The following OR5A2 variants were observed in gnomAD, a reference collection of about 807,000 sequenced individuals.
The protein encoded by OR5A2 is olfactory receptor 5A2.
For synonymous variants in OR5A2, 155 were observed against 151.1 expected (o/e 1.03, Z -0.19); for missense variants, 406 against 398.9 (o/e 1.02, Z -0.15).
rs1464113484 is a variant in OR5A2 at position 59,422,378 on chromosome 11, A to G, written c.576T>C (p.Asp192=). The G allele has an allele frequency of 6.2e-7, 1 of 1,614,176 alleles. No homozygotes were observed. The highest frequency in any genetic ancestry group is 8.5e-7 in the Non-Finnish European group (1 of 1,180,016). The change falls in exon 2 of 2, where the codon GAT becomes GAC. Residue 192 remains aspartate, a synonymous_variant. Transcript: ENST00000302040. ...AGGTCACCACCTCGCTGGTGAAGGT[A>G]TCAGAGCAGGACAGAGCCAGGACTG... is the stretch of plus-strand genomic sequence containing the variant. ...LPPVLALSCS[D]TFTSEVVTFI... is the part of the protein sequence containing the mutation.
rs1858200603 is a variant in OR5A2, at chr11:59,419,696, A to G, written c.*2283T>C. On this transcript the variant is annotated 3_prime_UTR_variant, in exon 2 of 2. Coordinates refer to ENST00000302040, the MANE Select transcript of OR5A2 (RefSeq NM_001001954.2). ...TGGGTAAATTTAAACATTTTCTGGC[A>G]GACAATTGGTTGAGTTCGTCTGAAG... 6.6e-6 allele frequency: 1 copy of G among 152,192 alleles called. No individual in the cohort carries two copies. The highest frequency in any genetic ancestry group is 1.5e-5 in the Non-Finnish European group (1 of 68,046). The allele number at this position is 152,192 out of a possible 1,614,324, so 9.4% of individuals were successfully genotyped here.
At position 59,420,756 on chromosome 11, in the gene OR5A2, C is replaced by A. The variant is rs1397701585; in HGVS notation, c.*1223G>T. On this transcript the variant is annotated 3_prime_UTR_variant, in exon 2 of 2. Transcript: ENST00000302040. ...AAATGTAGAGGAGAAAAATCATTTT[C>A]TTCAATTCTTTGGCTAAGTTCTCTT... 1 of 152,172 alleles carries A rather than the reference C, an allele frequency of 6.6e-6. No homozygotes were observed. The highest frequency in any genetic ancestry group is 1.5e-5 in the Non-Finnish European group (1 of 68,022). 9.4% of individuals were successfully genotyped at this position (152,172 alleles called of 1,614,324 possible). A position where few individuals can be genotyped will look rare whatever the true frequency, so the allele number is the denominator to read the frequency against.
rs780804649 is a variant in OR5A2, at chr11:59,422,957, C to T, written c.-4G>A. On this transcript the variant is annotated 5_prime_UTR_variant, in exon 2 of 2. Coordinates refer to ENST00000302040, the MANE Select transcript of OR5A2 (RefSeq NM_001001954.2). Reference sequence around the variant, plus strand: ...TGTTGTTCCTTCCTACAGCCATAGGCCTGCTTCCTGCATAAAGTCTTTACT... The same window carrying T: ...TGTTGTTCCTTCCTACAGCCATAGGTCTGCTTCCTGCATAAAGTCTTTACT... 2 of 1,604,098 alleles carry T rather than the reference C, an allele frequency of 1.2e-6. No individual in the cohort carries two copies. Among genetic ancestry groups the T allele is most frequent in the East Asian group, 2.2e-5 (1 of 44,832 alleles).
At position 59,421,790 on chromosome 11, in the gene OR5A2, T is replaced by C; in HGVS notation, c.*189A>G. 3.7e-6 allele frequency: 2 copies of C among 541,606 alleles called. No homozygotes were observed. Among genetic ancestry groups the C allele is most frequent in the Admixed American group, 3.5e-5 (1 of 28,900 alleles). The allele number at this position is 541,606 out of a possible 1,614,324, so 33.6% of individuals were successfully genotyped here. ...GCAGAGCATTTAAAATCTCAAACTA[T>C]ACAATGCTATTCATTTTACAAGCAA... On this transcript the variant is annotated 3_prime_UTR_variant, in exon 2 of 2. Transcript: ENST00000302040.
At chr11:59,423,679 A>G (rs1858260614) in intron 1 of OR5A2, 1 of 152,138 alleles carries the variant, frequency 6.6e-6, no homozygotes, top group Non-Finnish European at 1.5e-5. Context: ...ATAATTGTAT[A>G]TATGTGTATG....
chr11:59,425,901 C>A (rs549512151), intron 1 of OR5A2: 1 of 152,034 alleles, frequency 6.6e-6, no homozygotes, highest in Admixed American at 6.5e-5. Flanking sequence ...ATTATAAGAA[C>A]AAAACACATA....
rs1858173674 is a variant in OR5A2 at position 59,417,800 on chromosome 11, A to T, written c.*4179T>A. On this transcript the variant is annotated 3_prime_UTR_variant, in exon 2 of 2. Coordinates refer to ENST00000302040, the MANE Select transcript of OR5A2 (RefSeq NM_001001954.2). ...ATTCATCTTTAGAAAAATGTTAAGCATCTCATCAGAGCTCCTTTAATGCAT... is the reference window on the plus strand; with the variant it reads ...ATTCATCTTTAGAAAAATGTTAAGCTTCTCATCAGAGCTCCTTTAATGCAT... 6.6e-6 allele frequency: 1 copy of T among 152,038 alleles called. No individual in the cohort carries two copies. The highest frequency in any genetic ancestry group is 1.5e-5 in the Non-Finnish European group (1 of 67,982). 9.4% of individuals were successfully genotyped at this position (152,038 alleles called of 1,614,324 possible). A position where few individuals can be genotyped will look rare whatever the true frequency, so the allele number is the denominator to read the frequency against.
rs1432288563 is a variant in OR5A2, at chr11:59,422,896, C to T, written c.58G>A (p.Asp20Asn). The T allele has an allele frequency of 3.1e-6, 5 of 1,614,130 alleles. No individual in the cohort carries two copies. Among genetic ancestry groups the T allele is most frequent in the Non-Finnish European group, 4.2e-6 (5 of 1,179,976 alleles). ...VTKFILLGLSDHPQMKIFLFM... is the reference protein window; with the variant it reads ...VTKFILLGLSNHPQMKIFLFM... ...AGGAAAATCTTCATTTGAGGATGGTCTGAAAGTCCCAGGAGAATGAATTTT... is the reference window on the plus strand; with the variant it reads ...AGGAAAATCTTCATTTGAGGATGGTTTGAAAGTCCCAGGAGAATGAATTTT... The change falls in exon 2 of 2, where the codon GAC becomes AAC. Residue 20 changes from aspartate (D) to asparagine (N), a missense_variant. Asp to Asn is a conservative substitution (Grantham distance 23, BLOSUM62 1). Transcript: ENST00000302040.
In OR5A2 at chr11:59,422,045, C is replaced by T. The variant is rs1472768928; in HGVS notation, c.909G>A (p.Arg303=). ...FRNKEIKNAM[R]KAMERDPGIS... is the part of the protein sequence containing the mutation. Reference sequence around the variant, plus strand: ...TCCCGGGGTCCCTTTCCATGGCTTTCCTCATGGCATTTTTAATCTCCTTAT... The same window carrying T: ...TCCCGGGGTCCCTTTCCATGGCTTTTCTCATGGCATTTTTAATCTCCTTAT... The change falls in exon 2 of 2, where the codon AGG becomes AGA. Residue 303 remains arginine (R), a synonymous_variant. Coordinates refer to ENST00000302040, the MANE Select transcript of OR5A2 (RefSeq NM_001001954.2). 1.2e-6 allele frequency: 2 copies of T among 1,613,992 alleles called. No homozygotes were observed. Among genetic ancestry groups the T allele is most frequent in the Non-Finnish European group, 1.7e-6 (2 of 1,179,900 alleles).
chr11:59,426,041 C>T (rs7942617), intron 1 of OR5A2, 130 bp downstream of exon 1: 1 of 152,094 alleles, frequency 6.6e-6, no homozygotes, highest in Admixed American at 6.6e-5. Context: ...CCATTTAATT[C>T]TCCTAATAGA....
Position 59,417,006 on chromosome 11 carries a change from A to C in OR5A2, c.*4973T>G, listed in dbSNP as rs766832114. The C allele has an allele frequency of 1.3e-5, 2 of 152,132 alleles. No homozygotes were observed. The highest frequency in any genetic ancestry group is 2.9e-5 in the Non-Finnish European group (2 of 68,002). The allele number at this position is 152,132 out of a possible 1,614,324, so 9.4% of individuals were successfully genotyped here. A position where few individuals can be genotyped will look rare whatever the true frequency, so the allele number is the denominator to read the frequency against. On this transcript the variant is annotated 3_prime_UTR_variant, in exon 2 of 2. Coordinates refer to ENST00000302040, the MANE Select transcript of OR5A2 (RefSeq NM_001001954.2). ...ATAAGAAAGATGTTTTATTAGAACA[A>C]ACAAGAATATACCATACAATATCAA...
rs1238815406 is a variant in OR5A2, at chr11:59,422,456, C to G, written c.498G>C (p.Gln166His). 6.2e-7 allele frequency: 1 copy of G among 1,614,138 alleles called. No homozygotes were observed. Among genetic ancestry groups the G allele is most frequent in the South Asian group, 1.1e-5 (1 of 91,072 alleles). ...SSFIETYSVY[Q>H]HDFCGPYMIN... The stretch of plus-strand genomic sequence containing the variant: ...TCATATAGGGCCCACAGAAATCATG[C>G]TGATAGACAGAGTATGTTTCAATGA... Residue 166 changes from glutamine to histidine, a missense_variant, in exon 2 of 2, where the codon CAG (glutamine) becomes CAC (histidine). Coordinates refer to ENST00000302040, the MANE Select transcript of OR5A2 (RefSeq NM_001001954.2).
At chr11:59,424,515 G>A (rs1282685290) in intron 1 of OR5A2, 1 of 152,208 alleles carries the variant, frequency 6.6e-6, no homozygotes, top group Non-Finnish European at 1.5e-5. Context: ...TTGAGCCCAG[G>A]AGGTCTAGGC....
rs925731305 is a variant in OR5A2, at chr11:59,421,849, C to G, written c.*130G>C. ...AAAATGTTTTCTAATAGCCAACAGG[C>G]AAACTATTAGTGAAATCTTAAGCAG... On this transcript the variant is annotated 3_prime_UTR_variant, in exon 2 of 2. Coordinates refer to ENST00000302040, the MANE Select transcript of OR5A2 (RefSeq NM_001001954.2). 4 of 1,009,652 alleles carry G rather than the reference C, an allele frequency of 4.0e-6. No homozygotes were observed. The highest frequency in any genetic ancestry group is 5.7e-6 in the Non-Finnish European group (4 of 696,404). 62.5% of individuals were successfully genotyped at this position (1,009,652 alleles called of 1,614,324 possible).
At position 59,423,323 on chromosome 11, in the gene OR5A2, A is replaced by G. The variant is rs1253452106; in HGVS notation, c.-91-279T>C. ...CCCAAATGGGAAAGGAGAGGGTTGA[A>G]TCAGATGAGTTTGAAGTGTCCCTTT... On this transcript the variant is annotated intron_variant, in intron 1 of 1. Coordinates refer to ENST00000302040, the MANE Select transcript of OR5A2 (RefSeq NM_001001954.2). 3 of 192,370 alleles carry G rather than the reference A, an allele frequency of 1.6e-5. No homozygotes were observed. The East Asian group carries it at 3.7e-4, about 23-fold the overall frequency. 11.9% of individuals were successfully genotyped at this position (192,370 alleles called of 1,614,324 possible). A position where few individuals can be genotyped will look rare whatever the true frequency, so the allele number is the denominator to read the frequency against.
In OR5A2 at chr11:59,420,430, T is replaced by TATAATA. The variant is rs1009136561; in HGVS notation, c.*1543_*1548dup. 1 of 152,080 alleles carries TATAATA rather than the reference T, an allele frequency of 6.6e-6. No homozygotes were observed. The highest frequency in any genetic ancestry group is 1.5e-5 in the Non-Finnish European group (1 of 67,998). 9.4% of individuals were successfully genotyped at this position (152,080 alleles called of 1,614,324 possible). A position where few individuals can be genotyped will look rare whatever the true frequency, so the allele number is the denominator to read the frequency against. On this transcript the variant is annotated 3_prime_UTR_variant, in exon 2 of 2. Coordinates refer to ENST00000302040, the MANE Select transcript of OR5A2 (RefSeq NM_001001954.2). ...CTATTTGGATAATGATTAAGCATTA[T>TATAATA]ATAATAATAATAATAGTAATAGCAC... is the stretch of plus-strand genomic sequence containing the variant.
chr11:59,420,933 T>G lies in OR5A2; in HGVS notation c.*1046A>C, dbSNP rs539273022. 6.6e-6 allele frequency: 1 copy of G among 152,328 alleles called. No individual in the cohort carries two copies. The highest frequency in any genetic ancestry group is 6.5e-5 in the Admixed American group (1 of 15,300). 9.4% of individuals were successfully genotyped at this position (152,328 alleles called of 1,614,324 possible). A position where few individuals can be genotyped will look rare whatever the true frequency, so the allele number is the denominator to read the frequency against. On this transcript the variant is annotated 3_prime_UTR_variant, in exon 2 of 2. Transcript: ENST00000302040. The stretch of plus-strand genomic sequence containing the variant: ...AATTCCTTGGTTTTATTCAAATTGT[T>G]TTAGTGGCCTCTTTTTGTAGTTGAT...
Position 59,419,307 on chromosome 11 carries a change from A to G in OR5A2, c.*2672T>C, listed in dbSNP as rs1858194563. The G allele has an allele frequency of 6.6e-6, 1 of 152,176 alleles. No homozygotes were observed. The highest frequency in any genetic ancestry group is 1.5e-5 in the Non-Finnish European group (1 of 68,026). 9.4% of individuals were successfully genotyped at this position (152,176 alleles called of 1,614,324 possible). A position where few individuals can be genotyped will look rare whatever the true frequency, so the allele number is the denominator to read the frequency against. Reference sequence around the variant, plus strand: ...ATTTTCCTTGACTTATATAAAACTGAGTAAAAATATTGACTAATAATGTAA... The same window carrying G: ...ATTTTCCTTGACTTATATAAAACTGGGTAAAAATATTGACTAATAATGTAA... On this transcript the variant is annotated 3_prime_UTR_variant, in exon 2 of 2. Transcript: ENST00000302040.
Position 59,422,193 on chromosome 11 carries a change from C to A in OR5A2, c.761G>T (p.Gly254Val). ...SHLTAVTLFY[G>V]SGFFMYMRPS... Reference sequence around the variant, plus strand: ...TCGCATGTACATGAAGAATCCAGAACCATAGAAGAGGGTCACAGCAGTCAG... The same window carrying A: ...TCGCATGTACATGAAGAATCCAGAAACATAGAAGAGGGTCACAGCAGTCAG... The change falls in exon 2 of 2, where the codon GGT becomes GTT. Residue 254 changes from glycine to valine, a missense_variant. Coordinates refer to ENST00000302040, the MANE Select transcript of OR5A2 (RefSeq NM_001001954.2). The A allele has an allele frequency of 1.2e-6, 2 of 1,614,110 alleles. No individual in the cohort carries two copies. Among genetic ancestry groups the A allele is most frequent in the Non-Finnish European group, 1.7e-6 (2 of 1,180,020 alleles).
Sources: allele counts gnomAD v4.1 joint callset, GRCh38; gene constraint gnomAD v4.1.1; transcripts MANE v1.5; gene names NCBI Gene and HGNC (gene_info 2026-07-23, HGNC 2026-07-21).